The following DNM3 variants were observed in gnomAD, a reference collection of about 807,000 sequenced individuals.
DNM3 encodes the protein dynamin-3.
DNM3 carries 47 observed loss-of-function variants against 101.6 expected under a neutral mutation model. The ratio of observed to expected loss-of-function variants is 0.46; its 90% CI spans 0.37 to 0.59. DNM3 has a LOEUF of 0.59. DNM3 is among the 20% of genes least tolerant of loss of function. DNM3 has a pLI of 0.00. For synonymous variants in DNM3, 385 were observed against 387.9 expected (o/e 0.99, Z 0.09); for missense variants, 849 against 1,085.7 (o/e 0.78, Z 3.06).
At chr1:171,922,740 A>G (rs1358588264) in intron 2 of DNM3, among the ~76,000 whole-genome samples, 1 of 152,070 alleles carries the variant, frequency 6.6e-6, no homozygotes. Flanking sequence ...CTACTAACCT[A>G]TGTTCTGTCT....
chr1:172,144,836 G>C (rs2057789596), intron 14 of DNM3: 1 of 326,634 alleles, frequency 3.1e-6, no homozygotes, highest in Admixed American at 3.9e-5. Flanking sequence ...CCAGGAAAAG[G>C]GGGAGGGCTG....
chr1:172,224,656 C>G (rs1341842092), intron 14 of DNM3, among the ~76,000 whole-genome samples: 1 of 152,120 alleles, frequency 6.6e-6, no homozygotes, highest in Non-Finnish European at 1.5e-5. Flanking sequence ...CATTTTGAGG[C>G]ATAGATTAAT....
chr1:172,149,863 G>T (rs796609384), intron 14 of DNM3, among the ~76,000 whole-genome samples: 1 of 152,010 alleles, frequency 6.6e-6, no homozygotes, highest in African/African-American at 2.4e-5. Flanking sequence ...CCTTTCTGTG[G>T]ATGGGGATAC....
intron 13 of DNM3, among the ~76,000 whole-genome samples, chr1:172,098,535 A>G (rs951528770): frequency 2.0e-5 from 3 of 152,194 alleles, no homozygotes; most frequent in African/African-American, 4.8e-5. Context: ...TCCTGAGGTG[A>G]CATACATCCT....
intron 1 of DNM3, among the ~76,000 whole-genome samples, chr1:171,876,775 T>A (rs899003947): frequency 6.6e-6 from 1 of 152,262 alleles, no homozygotes; most frequent in Admixed American, 6.5e-5. Flanking sequence ...GATGAAAGGT[T>A]GTTATTCGAA....
chr1:172,008,215 A>C (rs1441992929), intron 4 of DNM3, among the ~76,000 whole-genome samples: 3 of 151,048 alleles, frequency 2.0e-5, no homozygotes, highest in Non-Finnish European at 4.4e-5. Context: ...ATGTAATTTC[A>C]TTTGTCTGTT....
intron 14 of DNM3, among the ~76,000 whole-genome samples, chr1:172,229,879 T>G (rs1263796648): frequency 6.6e-6 from 1 of 152,120 alleles, no homozygotes; most frequent in Admixed American, 6.6e-5. Flanking sequence ...TTCTTCTTTG[T>G]GTATGCCACC....
chr1:172,400,304 G>A (rs1224741428), intron 20 of DNM3, among the ~76,000 whole-genome samples: 1 of 151,988 alleles, frequency 6.6e-6, no homozygotes, highest in East Asian at 1.9e-4. Flanking sequence ...TCAGAAAAAG[G>A]TTTACCCCAT....
At position 172,412,276 on chromosome 1, in the gene DNM3, T is replaced by G. The variant is rs1043322863; in HGVS notation, c.*4435T>G. 3 of 985,240 alleles carry G rather than the reference T, an allele frequency of 3.0e-6. No homozygotes were observed. In the African/African-American group the frequency reaches 5.2e-5, roughly 17 times the overall value. The allele number at this position is 985,240 out of a possible 1,614,324, so 61.0% of individuals were successfully genotyped here. On this transcript the variant is annotated 3_prime_UTR_variant, in exon 21 of 21. Coordinates refer to ENST00000627582, the MANE Select transcript of DNM3 (RefSeq NM_015569.5). ...CGCTCATTATGAAATGTTTTAAAAT[T>G]ATGACAAAAATTACTCTGTCTAACC...
intron 17 of DNM3, among the ~76,000 whole-genome samples, chr1:172,368,774 T>A (rs2068163869): frequency 6.6e-6 from 1 of 151,524 alleles, no homozygotes; most frequent in Non-Finnish European, 1.5e-5. Context: ...AAATGAAACA[T>A]TACAACTGAT....
chr1:171,873,987 A>G (rs2035536835), intron 1 of DNM3, among the ~76,000 whole-genome samples: 1 of 152,198 alleles, frequency 6.6e-6, no homozygotes, highest in Non-Finnish European at 1.5e-5. Context: ...CAGGAAAGGA[A>G]TGTGAGAAGA....
At chr1:171,898,160 A>G (rs1199792975) in intron 1 of DNM3, among the ~76,000 whole-genome samples, 2 of 152,176 alleles carry the variant, frequency 1.3e-5, no homozygotes, top group Non-Finnish European at 2.9e-5. Flanking sequence ...TGGAAATAAT[A>G]AAAATGGGAT....
At chr1:171,847,022 T>A (rs1478189767) in intron 1 of DNM3, among the ~76,000 whole-genome samples, 2 of 152,172 alleles carry the variant, frequency 1.3e-5, no homozygotes, top group Non-Finnish European at 2.9e-5. Context: ...CAAGCTGGGA[T>A]TCAGTATGAC....
intron 18 of DNM3, among the ~76,000 whole-genome samples, chr1:172,381,903 C>G (rs1006128992): frequency 1.3e-5 from 2 of 152,162 alleles, no homozygotes; most frequent in African/African-American, 4.8e-5. Context: ...CCTGGTCTAT[C>G]AAAAGCGGTG....
intron 13 of DNM3, among the ~76,000 whole-genome samples, chr1:172,102,066 C>G (rs2054684555): frequency 6.6e-6 from 1 of 151,942 alleles, no homozygotes; most frequent in African/African-American, 2.4e-5. Context: ...ACCATGTTGG[C>G]CAGGCTGGTC....
rs982930034 is a variant in DNM3 at position 172,412,253 on chromosome 1, C to T, written c.*4412C>T. The T allele has an allele frequency of 2.0e-6, 2 of 985,220 alleles. No individual in the cohort carries two copies. The highest frequency in any genetic ancestry group is 1.2e-4 in the Admixed American group (2 of 16,270). 61.0% of individuals were successfully genotyped at this position (985,220 alleles called of 1,614,324 possible). On this transcript the variant is annotated 3_prime_UTR_variant, in exon 21 of 21. Coordinates refer to ENST00000627582, the MANE Select transcript of DNM3 (RefSeq NM_015569.5). ...TTACTCTTGAATTCCTTAAACTTCG[C>T]TCATTATGAAATGTTTTAAAATTAT...
At chr1:172,338,052 G>T (rs1401788441) in intron 17 of DNM3, among the ~76,000 whole-genome samples, 1 of 151,710 alleles carries the variant, frequency 6.6e-6, no homozygotes, top group East Asian at 1.9e-4. Context: ...AAGTAGCTGG[G>T]ACCACAGGCG....
chr1:172,305,528 T>C (rs190107504), intron 15 of DNM3, among the ~76,000 whole-genome samples: 2 of 152,244 alleles, frequency 1.3e-5, no homozygotes, highest in African/African-American at 4.8e-5. Context: ...CCTAACTCAT[T>C]TCATGAGTCC....
At chr1:172,047,887 A>G (rs1443638294) in intron 9 of DNM3, among the ~76,000 whole-genome samples, 1 of 152,198 alleles carries the variant, frequency 6.6e-6, no homozygotes, top group South Asian at 2.1e-4. Flanking sequence ...GCCTTCAGTC[A>G]TGGCCAAGAT....
Sources: allele counts gnomAD v4.1 joint callset (sites outside exome capture counted in the v4.1 genomes callset), GRCh38; gene constraint gnomAD v4.1.1; transcripts MANE v1.5; gene names NCBI Gene and HGNC (gene_info 2026-07-23, HGNC 2026-07-21).